Variants in FAM3C observed in about 807,000 individuals in gnomAD.
FAM3C encodes the protein FAM3 metabolism regulating signaling molecule C.
A neutral mutation model predicts 32.5 loss-of-function variants in FAM3C; 15 were observed. The ratio of observed to expected loss-of-function variants is 0.46; its 90% CI spans 0.31 to 0.71. The LOEUF (loss-of-function observed/expected upper bound fraction) is 0.71. Ranked by LOEUF, FAM3C falls within the 30% of genes least tolerant of loss-of-function variation. The pLI is 0.05. For synonymous variants in FAM3C, 75 were observed against 86.1 expected (o/e 0.87, Z 0.72); for missense variants, 175 against 274.4 (o/e 0.64, Z 2.56).
intron 1 of FAM3C, among the ~76,000 whole-genome samples, chr7:121,388,246 A>ACG (rs757455603): frequency 1.3e-4 from 19 of 151,568 alleles, no homozygotes; most frequent in Admixed American, 4.0e-4. Flanking sequence ...ACACACACAC[A>ACG]CACACACACA....
At chr7:121,379,321 A>C (rs569934236) in intron 2 of FAM3C, among the ~76,000 whole-genome samples, 2 of 152,250 alleles carry the variant, frequency 1.3e-5, no homozygotes, top group South Asian at 4.1e-4. Flanking sequence ...GACTAATGGA[A>C]CACCACCACC....
At position 121,350,314 on chromosome 7, in the gene FAM3C, T is replaced by C. The variant is rs1247426868; in HGVS notation, c.*147A>G. The C allele has an allele frequency of 1.5e-6, 1 of 683,058 alleles. No individual in the cohort carries two copies. The highest frequency in any genetic ancestry group is 2.8e-5 in the East Asian group (1 of 36,012). The allele number at this position is 683,058 out of a possible 1,614,324, so 42.3% of individuals were successfully genotyped here. On this transcript the variant is annotated 3_prime_UTR_variant, in exon 10 of 10. Coordinates refer to ENST00000359943, the MANE Select transcript of FAM3C (RefSeq NM_014888.3). ...CAATGCTATCTATTTACGTTAGCAA[T>C]AAATAATCCTGATATCAAAAGAGAC...
intron 6 of FAM3C, 76 bp from the exon 7 acceptor site, chr7:121,363,023 A>G: frequency 2.9e-6 from 2 of 696,868 alleles, no homozygotes; most frequent in South Asian, 1.8e-5. Flanking sequence ...ATCTCATCCA[A>G]TGATTGATGT....
At chr7:121,360,211 T>A in intron 7 of FAM3C, 84 bp from the exon 8 acceptor site, 1 of 738,672 alleles carries the variant, frequency 1.4e-6, no homozygotes, top group Non-Finnish European at 2.4e-6. Context: ...TTATAAAACA[T>A]GAAGTATCTG....
At chr7:121,365,441 T>A (rs1794005861) in intron 5 of FAM3C, among the ~76,000 whole-genome samples, 1 of 152,136 alleles carries the variant, frequency 6.6e-6, no homozygotes. Context: ...TTTTTCAATT[T>A]AATCTGTGTA....
chr7:121,350,886 C>T (rs1014936611), intron 9 of FAM3C, among the ~76,000 whole-genome samples: 6 of 152,108 alleles, frequency 3.9e-5, no homozygotes, highest in East Asian at 1.9e-4. Flanking sequence ...CTAAAGCTTC[C>T]GAAAAGGCTT....
At chr7:121,372,954 G>A (rs1289570789) in intron 3 of FAM3C, among the ~76,000 whole-genome samples, 1 of 152,118 alleles carries the variant, frequency 6.6e-6, no homozygotes, top group Admixed American at 6.6e-5. Context: ...TTAAAAGATT[G>A]TATTGAAATG....
At chr7:121,365,230 T>A (rs559990997) in intron 5 of FAM3C, among the ~76,000 whole-genome samples, 1 of 152,140 alleles carries the variant, frequency 6.6e-6, no homozygotes, top group Non-Finnish European at 1.5e-5. Flanking sequence ...ATGGTTGCAA[T>A]TGATGAATGA....
chr7:121,380,748 T>TAC (rs1794333557), intron 2 of FAM3C, among the ~76,000 whole-genome samples: 1 of 149,858 alleles, frequency 6.7e-6, no homozygotes, highest in Non-Finnish European at 1.5e-5. Context: ...TATATATATA[T>TAC]ATATATATGA....
At chr7:121,357,591 C>T (rs1464710209) in intron 8 of FAM3C, among the ~76,000 whole-genome samples, 3 of 152,078 alleles carry the variant, frequency 2.0e-5, no homozygotes, top group Non-Finnish European at 4.4e-5. Context: ...ATTTCTTTTA[C>T]TGGTATTTAG....
At chr7:121,392,737 TG>T (rs1433721062) in intron 1 of FAM3C, among the ~76,000 whole-genome samples, 2 of 152,170 alleles carry the variant, frequency 1.3e-5, no homozygotes, top group Admixed American at 1.3e-4. Flanking sequence ...AATTTAGAGA[TG>T]TTCATATAAC....
At chr7:121,365,942 T>C (rs1794016662) in intron 5 of FAM3C, among the ~76,000 whole-genome samples, 1 of 152,066 alleles carries the variant, frequency 6.6e-6, no homozygotes, top group Non-Finnish European at 1.5e-5. Context: ...AAATGGCCAA[T>C]AAGCACACAA....
intron 1 of FAM3C, among the ~76,000 whole-genome samples, chr7:121,392,929 T>A (rs1584712842): frequency 6.6e-6 from 1 of 152,326 alleles, no homozygotes; most frequent in Middle Eastern, 3.4e-3. Context: ...TAAAACATGC[T>A]AAGTGAAAGA....
intron 3 of FAM3C, among the ~76,000 whole-genome samples, chr7:121,373,775 C>T (rs1176190359): frequency 6.6e-6 from 1 of 151,888 alleles, no homozygotes; most frequent in African/African-American, 2.4e-5. Context: ...GTAATCCCAG[C>T]ACTTTGAGAG....
At chr7:121,377,713 A>C (rs1794267042) in intron 3 of FAM3C, among the ~76,000 whole-genome samples, 1 of 152,190 alleles carries the variant, frequency 6.6e-6, no homozygotes, top group Non-Finnish European at 1.5e-5. Context: ...TTATAGTACT[A>C]TGTTTTTACT....
At position 121,351,288 on chromosome 7, in the gene FAM3C, G is replaced by T. The variant is rs1292004657; in HGVS notation, c.468-19C>A. 6.2e-7 allele frequency: 1 copy of T among 1,610,022 alleles called. No individual in the cohort carries two copies. The highest frequency in any genetic ancestry group is 8.5e-7 in the Non-Finnish European group (1 of 1,177,780). ...ATTGAGTCTTGAAGAGGGAGAGAAA[G>T]AATACAACAATAAACAGAGGGAACT... is the stretch of plus-strand genomic sequence containing the variant. On this transcript the variant is annotated intron_variant, in intron 8 of 9. Coordinates refer to ENST00000359943, the MANE Select transcript of FAM3C (RefSeq NM_014888.3).
At chr7:121,383,670 A>G (rs570963225) in intron 1 of FAM3C, among the ~76,000 whole-genome samples, 81 of 152,334 alleles carry the variant, frequency 5.3e-4, no homozygotes, top group African/African-American at 1.9e-3. Flanking sequence ...CTGTTCTTTG[A>G]TATTACTGTA....
chr7:121,351,566 G>T, intron 8 of FAM3C: 2 of 260,810 alleles, frequency 7.7e-6, no homozygotes, highest in East Asian at 7.5e-5. Context: ...AATAAATAAG[G>T]GATACCACAG....
chr7:121,366,751 T>C (rs1459627012), intron 5 of FAM3C, among the ~76,000 whole-genome samples: 5 of 152,188 alleles, frequency 3.3e-5, no homozygotes, highest in African/African-American at 9.7e-5. Context: ...AGCATATACA[T>C]TTAAAAGGTT....
Sources: gnomAD v4.1 joint callset for allele counts (sites outside exome capture counted in the v4.1 genomes callset) on GRCh38, gnomAD v4.1.1 for gene constraint, MANE v1.5 for transcripts, NCBI Gene and HGNC (gene_info 2026-07-23, HGNC 2026-07-21) for gene names.